FAR2: variants seen among roughly 807,000 people sequenced by gnomAD.
The protein encoded by FAR2 is fatty acyl-CoA reductase 2.
Under a neutral mutation model 56.0 loss-of-function variants are expected in FAR2, and 19 were observed. The ratio of observed to expected loss-of-function variants is 0.34; its 90% CI spans 0.24 to 0.50. FAR2 has a LOEUF of 0.50. Ranked by LOEUF, FAR2 falls within the 20% of genes least tolerant of loss-of-function variation. FAR2 has a pLI of 0.98. For missense variants in FAR2, 508 were observed against 642.2 expected (o/e 0.79, Z 2.26); for synonymous variants, 219 against 218.8 (o/e 1.00, Z -0.01).
intron 1 of FAR2, among the ~76,000 whole-genome samples, chr12:29,267,847 C>T: frequency 6.6e-6 from 1 of 152,182 alleles, no homozygotes; most frequent in East Asian, 1.9e-4. Context: ...GTCATTGACC[C>T]CTGTTTTACT....
In FAR2 at chr12:29,334,050, G is replaced by A. The variant is rs751954680; in HGVS notation, c.*256G>A. On this transcript the variant is annotated 3_prime_UTR_variant, in exon 12 of 12. Transcript: ENST00000536681. Reference sequence around the variant, plus strand: ...CTAACATTCTATTTTATGCCCTTGCGTATTAAACGTGAAAGTACTCCCACT... The same window carrying A: ...CTAACATTCTATTTTATGCCCTTGCATATTAAACGTGAAAGTACTCCCACT... 3.3e-4 allele frequency: 104 copies of A among 310,558 alleles called. No homozygotes were observed. The highest frequency in any genetic ancestry group is 5.3e-4 in the Non-Finnish European group (90 of 169,892). 19.2% of individuals were successfully genotyped at this position (310,558 alleles called of 1,614,324 possible). A position where few individuals can be genotyped will look rare whatever the true frequency, so the allele number is the denominator to read the frequency against.
intron 1 of FAR2, among the ~76,000 whole-genome samples, chr12:29,188,940 T>C (rs1950073118): frequency 6.6e-6 from 1 of 152,178 alleles, no homozygotes; most frequent in Non-Finnish European, 1.5e-5. Context: ...CTTCTTATCA[T>C]ATCATATCAG....
At chr12:29,215,081 G>A (rs1947606928) in intron 1 of FAR2, among the ~76,000 whole-genome samples, 1 of 152,090 alleles carries the variant, frequency 6.6e-6, no homozygotes, top group Non-Finnish European at 1.5e-5. Context: ...ACTGTGGCAT[G>A]TTCAAGAATC....
chr12:29,198,823 C>T (rs1947369091), intron 1 of FAR2, among the ~76,000 whole-genome samples: 1 of 152,100 alleles, frequency 6.6e-6, no homozygotes, highest in Non-Finnish European at 1.5e-5. Flanking sequence ...TCATCGCACC[C>T]CCTGCCTCTC....
At chr12:29,160,021 T>A (rs34624686) in intron 1 of FAR2, among the ~76,000 whole-genome samples, 1 of 152,210 alleles carries the variant, frequency 6.6e-6, no homozygotes, top group African/African-American at 2.4e-5. Context: ...CTATAAGTCC[T>A]TACTTATTCT....
intron 1 of FAR2, among the ~76,000 whole-genome samples, chr12:29,244,043 T>C (rs1162844003): frequency 1.3e-5 from 2 of 152,184 alleles, no homozygotes; most frequent in African/African-American, 4.8e-5. Context: ...TCCCAACTTA[T>C]ATCAAATAGC....
chr12:29,211,999 A>G (rs1947555229), intron 1 of FAR2, among the ~76,000 whole-genome samples: 1 of 151,396 alleles, frequency 6.6e-6, no homozygotes, highest in Non-Finnish European at 1.5e-5. Context: ...GCTAGGAGAG[A>G]GAGGCCTGGA....
intron 1 of FAR2, among the ~76,000 whole-genome samples, chr12:29,268,251 C>A (rs906560792): frequency 6.6e-6 from 1 of 152,162 alleles, no homozygotes; most frequent in African/African-American, 2.4e-5. Flanking sequence ...AGGATCCATC[C>A]AAACCCTGTC....
At chr12:29,258,621 G>T (rs997613336) in intron 1 of FAR2, among the ~76,000 whole-genome samples, 1 of 152,104 alleles carries the variant, frequency 6.6e-6, no homozygotes, top group Non-Finnish European at 1.5e-5. Flanking sequence ...TGTATGAGAT[G>T]TCTCTCAACA....
intron 11 of FAR2, 115 bp downstream of exon 11, chr12:29,332,842 C>A: frequency 2.1e-6 from 2 of 973,350 alleles, no homozygotes; most frequent in Non-Finnish European, 3.2e-6. Flanking sequence ...TACTACATTA[C>A]AGGTCCTGCA....
chr12:29,321,178 A>G (rs557177639), intron 9 of FAR2, among the ~76,000 whole-genome samples: 1 of 152,146 alleles, frequency 6.6e-6, no homozygotes, highest in Non-Finnish European at 1.5e-5. Context: ...CAAAAGTTAC[A>G]TACTAAGACC....
chr12:29,260,886 C>A (rs1053418173), intron 1 of FAR2, among the ~76,000 whole-genome samples: 1 of 152,242 alleles, frequency 6.6e-6, no homozygotes, highest in Non-Finnish European at 1.5e-5. Context: ...CCAAGGCCAC[C>A]AAGGCAGTAC....
chr12:29,331,199 C>T (rs1949726620), intron 10 of FAR2, among the ~76,000 whole-genome samples: 1 of 142,910 alleles, frequency 7.0e-6, no homozygotes, highest in Non-Finnish European at 1.5e-5. Flanking sequence ...AAACTCTCCA[C>T]TAAAGATAGG....
chr12:29,219,379 G>A (rs1232995107), intron 1 of FAR2, among the ~76,000 whole-genome samples: 1 of 152,164 alleles, frequency 6.6e-6, no homozygotes, highest in African/African-American at 2.4e-5. Flanking sequence ...CCTGAAGCAA[G>A]TGGAACAATA....
chr12:29,166,207 T>G (rs541418953), intron 1 of FAR2, among the ~76,000 whole-genome samples: 1 of 152,382 alleles, frequency 6.6e-6, no homozygotes, highest in South Asian at 2.1e-4. Flanking sequence ...GATATATTAA[T>G]AGTAAATGGT....
At chr12:29,205,721 G>T (rs915269537) in intron 1 of FAR2, among the ~76,000 whole-genome samples, 6 of 152,190 alleles carry the variant, frequency 3.9e-5, no homozygotes, top group African/African-American at 1.4e-4. Context: ...GTCTGAAAGG[G>T]TCTCAGTGAT....
intron 1 of FAR2, among the ~76,000 whole-genome samples, chr12:29,152,088 G>A (rs946509171): frequency 7.9e-5 from 12 of 152,168 alleles, no homozygotes; most frequent in Non-Finnish European, 1.8e-4. Context: ...ATCATTATTT[G>A]GACAAAATTA....
At chr12:29,233,688 ATTC>A (rs1416998215) in intron 1 of FAR2, among the ~76,000 whole-genome samples, 1 of 152,160 alleles carries the variant, frequency 6.6e-6, no homozygotes, top group Non-Finnish European at 1.5e-5. Flanking sequence ...TCAAGAGCCT[ATTC>A]TTCATTATTA....
intron 1 of FAR2, among the ~76,000 whole-genome samples, chr12:29,178,197 GAAATTGGAGTAAAATTCATT>G (rs1949957103): frequency 2.0e-5 from 3 of 146,888 alleles, no homozygotes; most frequent in Admixed American, 6.8e-5. Context: ...AAAAAAAAAA[GAAATTGGAGTAAAATTCATT>G]CCCAGTACCA....
Sources: gnomAD v4.1 joint callset for allele counts (sites outside exome capture counted in the v4.1 genomes callset) on GRCh38, gnomAD v4.1.1 for gene constraint, MANE v1.5 for transcripts, NCBI Gene and HGNC (gene_info 2026-07-23, HGNC 2026-07-21) for gene names.